PRG4: variants seen among roughly 807,000 people sequenced by gnomAD.
The protein encoded by PRG4 is articular superficial zone protein.
In PRG4, 61 loss-of-function variants were observed where a neutral mutation model predicts 91.2. The ratio of observed to expected loss-of-function variants is 0.67; its 90% confidence interval spans 0.54 to 0.83. The LOEUF is 0.83. Among genes scored for constraint, PRG4 ranks in the 40% least tolerant of loss-of-function variants. PRG4 has a pLI of 0.00. For synonymous variants in PRG4, 576 were observed against 614.2 expected (o/e 0.94, Z 0.92); for missense variants, 1,564 against 1,714.2 (o/e 0.91, Z 1.55).
chr1:186,310,135 T>TTGG (rs1553225130), intron 8 of PRG4, among the ~76,000 whole-genome samples: 18 of 86,366 alleles, frequency 2.1e-4, no homozygotes, highest in African/African-American at 5.7e-4. Context: ...TCATTTTTTT[T>TTGG]GGGGGGGGGG....
At position 186,307,640 on chromosome 1, in the gene PRG4, G is replaced by A. The variant is rs767007755; in HGVS notation, c.1921G>A (p.Ala641Thr). 104 of 1,164,748 alleles carry A rather than the reference G, an allele frequency of 8.9e-5. No homozygotes were observed. Among genetic ancestry groups the A allele is most frequent in the Middle Eastern group, 3.4e-4 (1 of 2,942 alleles). 72.2% of individuals were successfully genotyped at this position (1,164,748 alleles called of 1,614,324 possible). ...KLAPTTPEKP[A>T]PTTPEELAPT... ...CGCACCCACCACCCCTGAGAAGCCCGCACCCACCACCCCTGAGGAGCTCGC... is the reference window on the plus strand; with the variant it reads ...CGCACCCACCACCCCTGAGAAGCCCACACCCACCACCCCTGAGGAGCTCGC... The change falls in exon 7 of 13, where the codon GCA becomes ACA. Residue 641 changes from alanine (A) to threonine (T), a missense_variant. Transcript: ENST00000445192.
At position 186,307,805 on chromosome 1, in the gene PRG4, C is replaced by T; in HGVS notation, c.2086C>T (p.Pro696Ser). The T allele has an allele frequency of 1.2e-6, 2 of 1,605,878 alleles. No homozygotes were observed. The highest frequency in any genetic ancestry group is 1.7e-6 in the Non-Finnish European group (2 of 1,177,164). Residue 696 changes from proline to serine, a missense_variant, in exon 7 of 13, where the codon CCT becomes TCT. Physicochemically the swap from Pro to Ser is moderately conservative, Grantham distance 74. Transcript: ENST00000445192. ...KEPAPTTPKE[P>S]APTTPKETAP... ...GCCTGCTCCAACTACCCCTAAGGAG[C>T]CTGCTCCAACTACCCCTAAGGAGAC...
rs978422870 is a variant in PRG4, at chr1:186,308,220, C to A, written c.2501C>A (p.Pro834His). 1.9e-6 allele frequency: 3 copies of A among 1,613,400 alleles called. No individual in the cohort carries two copies. In the Admixed American group the frequency reaches 5.0e-5, roughly 27 times the overall value. ...KETAPTTPKE[P>H]APTTPKKPAP... ...ACTGCTCCAACTACCCCCAAGGAGC[C>A]TGCACCCACTACCCCCAAGAAGCCT... Residue 834 changes from proline (P) to histidine (H), a missense_variant, in exon 7 of 13, where the codon CCT (proline) becomes CAT (histidine). Transcript: ENST00000445192.
rs749394020 is a variant in PRG4, at chr1:186,311,448, G to A, written c.3645G>A (p.Gln1215=). 6.2e-7 allele frequency: 1 copy of A among 1,613,318 alleles called. No individual in the cohort carries two copies. Among genetic ancestry groups the A allele is most frequent in the East Asian group, 2.2e-5 (1 of 44,840 alleles). The change falls in exon 10 of 13, where the codon CAG becomes CAA. Residue 1215 remains glutamine, a synonymous_variant. Coordinates refer to ENST00000445192, the MANE Select transcript of PRG4 (RefSeq NM_005807.6). ...CTCTTTTAAATTATCAGGATTCTCA[G>A]TACTGGCGTTTTACCAATGATATAA... ...EGKTFFFKDS[Q]YWRFTNDIKD... is the part of the protein sequence containing the mutation.
At position 186,311,070 on chromosome 1, in the gene PRG4, C is replaced by T. The variant is rs1657181988; in HGVS notation, c.3536C>T (p.Pro1179Leu). The T allele has an allele frequency of 1.9e-6, 3 of 1,613,912 alleles. No homozygotes were observed. Among genetic ancestry groups the T allele is most frequent in the East Asian group, 4.5e-5 (2 of 44,856 alleles). ...YFWMLSPFSPPSPARRITEVW... is the reference protein window; with the variant it reads ...YFWMLSPFSPLSPARRITEVW... ...TGGATGCTAAGTCCATTCAGTCCAC[C>T]ATCTCCAGCTCGCAGAATTACTGAA... Residue 1179 changes from proline to leucine, a missense_variant, in exon 9 of 13, where the codon CCA becomes CTA. Coordinates refer to ENST00000445192, the MANE Select transcript of PRG4 (RefSeq NM_005807.6).
chr1:186,308,537 G>A lies in PRG4; in HGVS notation c.2818G>A (p.Glu940Lys), dbSNP rs1656917684. The A allele has an allele frequency of 1.2e-6, 2 of 1,613,532 alleles. No homozygotes were observed. The highest frequency in any genetic ancestry group is 1.7e-5 in the Admixed American group (1 of 59,998). Residue 940 changes from glutamate (E) to lysine (K), a missense_variant, in exon 7 of 13, where the codon GAG becomes AAG. Physicochemically the swap from Glu to Lys is moderately conservative, Grantham distance 56. Coordinates refer to ENST00000445192, the MANE Select transcript of PRG4 (RefSeq NM_005807.6). ...AACTGCTGCACCTAAGATGACAAAA[G>A]AGACAGCAACTACAACAGAAAAAAC... ...TTTAAPKMTK[E>K]TATTTEKTTE...
intron 12 of PRG4, chr1:186,313,187 A>AT (rs1390470201): frequency 2.3e-6 from 1 of 441,806 alleles, no homozygotes; most frequent in African/African-American, 2.0e-5. Flanking sequence ...CATTTAACAG[A>AT]TACCTTGTTT....
chr1:186,299,674 A>G (rs1326518765), intron 2 of PRG4, among the ~76,000 whole-genome samples: 1 of 152,152 alleles, frequency 6.6e-6, no homozygotes, highest in East Asian at 1.9e-4. Flanking sequence ...CTTAGCTCTA[A>G]AAAAGGGCTA....
At chr1:186,299,862 G>C (rs958615026) in intron 2 of PRG4, among the ~76,000 whole-genome samples, 7 of 152,048 alleles carry the variant, frequency 4.6e-5, no homozygotes, top group African/African-American at 1.7e-4. Flanking sequence ...TACTTTGCCT[G>C]GTTTTCAAAA....
In PRG4 at chr1:186,306,577, T is replaced by C. The variant is rs771656813; in HGVS notation, c.858T>C (p.Thr286=). 9 of 1,613,276 alleles carry C rather than the reference T, an allele frequency of 5.6e-6. No individual in the cohort carries two copies. The highest frequency in any genetic ancestry group is 6.8e-6 in the Non-Finnish European group (8 of 1,179,544). Residue 286 remains threonine, a synonymous_variant, in exon 7 of 13, where the codon ACT becomes ACC. Transcript: ENST00000445192. ...LTVNKETTVE[T]KETTTTNKQT... is the part of the protein sequence containing the mutation. ...TGAATAAAGAGACAACAGTTGAAAC[T>C]AAAGAAACTACTACAACAAATAAAC...
chr1:186,297,802 G>A (rs1431960445), intron 2 of PRG4, among the ~76,000 whole-genome samples: 2 of 152,044 alleles, frequency 1.3e-5, no homozygotes, highest in Non-Finnish European at 2.9e-5. Flanking sequence ...AGTAAAATAC[G>A]AGATTCTTAT....
intron 4 of PRG4, among the ~76,000 whole-genome samples, chr1:186,303,693 A>C (rs1656364872): frequency 6.6e-6 from 1 of 152,206 alleles, no homozygotes; most frequent in South Asian, 2.1e-4. Context: ...ATTTAATTTA[A>C]ATGAATATTA....
At position 186,311,298 on chromosome 1, in the gene PRG4, A is replaced by T. The variant is rs1571583566; in HGVS notation, c.3636+128A>T. 4.2e-6 allele frequency: 6 copies of T among 1,416,598 alleles called. No homozygotes were observed. The East Asian group carries it at 1.4e-4, about 32-fold the overall frequency. The allele number at this position is 1,416,598 out of a possible 1,614,324, so 87.8% of individuals were successfully genotyped here. On this transcript the variant is annotated intron_variant, in intron 9 of 12. Transcript: ENST00000445192. ...ACTCTGTCATCAAAATTTAATCATA[A>T]TTCAACAGTTTGATAACAGTAATGG...
Position 186,312,813 on chromosome 1 carries a change from C to G in PRG4, c.4036C>G (p.Leu1346Val). The change falls in exon 12 of 13, where the codon CTT (leucine) becomes GTT (valine). Residue 1346 changes from leucine to valine, a missense_variant. Coordinates refer to ENST00000445192, the MANE Select transcript of PRG4 (RefSeq NM_005807.6). ...EVKVSILWRGLPNVVTSAISL... is the reference protein window; with the variant it reads ...EVKVSILWRGVPNVVTSAISL... ...TAAAGTGAGTATACTGTGGAGAGGA[C>G]TTCCAAATGTGGTTACCTCAGCTAT... 1 of 1,612,032 alleles carries G rather than the reference C, an allele frequency of 6.2e-7. No individual in the cohort carries two copies. Among genetic ancestry groups the G allele is most frequent in the Non-Finnish European group, 8.5e-7 (1 of 1,178,118 alleles).
Position 186,311,608 on chromosome 1 carries a change from A to G in PRG4, c.3793+12A>G, listed in dbSNP as rs1465183432. 1.2e-6 allele frequency: 2 copies of G among 1,611,486 alleles called. No individual in the cohort carries two copies. The highest frequency in any genetic ancestry group is 1.7e-6 in the Non-Finnish European group (2 of 1,177,794). ...TTTTTTCAAGAGAGGTATGTGTTAC[A>G]TAATTGACAAGATTACAAAACTTTT... On this transcript the variant is annotated intron_variant, in intron 10 of 12. Transcript: ENST00000445192.
Position 186,314,383 on chromosome 1 carries a change from A to G in PRG4, c.*605A>G. The G allele has an allele frequency of 2.8e-6, 1 of 354,850 alleles. No individual in the cohort carries two copies. Among genetic ancestry groups the G allele is most frequent in the Non-Finnish European group, 5.0e-6 (1 of 198,668 alleles). 22.0% of individuals were successfully genotyped at this position (354,850 alleles called of 1,614,324 possible). A position where few individuals can be genotyped will look rare whatever the true frequency, so the allele number is the denominator to read the frequency against. On this transcript the variant is annotated 3_prime_UTR_variant, in exon 13 of 13. Transcript: ENST00000445192. Reference sequence around the variant, plus strand: ...TAACACTTCATATTTTCCAAATCTTAATTTGGATTTAAGGAAGAAATCAAT... The same window carrying G: ...TAACACTTCATATTTTCCAAATCTTGATTTGGATTTAAGGAAGAAATCAAT...
In PRG4 at chr1:186,312,777, C is replaced by G. The variant is rs750688165; in HGVS notation, c.4000C>G (p.His1334Asp). 1.2e-6 allele frequency: 2 copies of G among 1,612,822 alleles called. No individual in the cohort carries two copies. Among genetic ancestry groups the G allele is most frequent in the Non-Finnish European group, 1.7e-6 (2 of 1,179,012 alleles). Residue 1334 changes from histidine to aspartate, a missense_variant, in exon 12 of 13, where the codon CAT becomes GAT. By Grantham distance (81) the His-to-Asp change is moderately conservative. Around this residue, in one of 3 missense-constraint regions of PRG4, gnomAD observed 1,079 missense variants for 1,162.2 expected, o/e 0.93. Transcript: ENST00000445192. Reference sequence around the variant, plus strand: ...AAACATGCCACTTACAGGTGTCCTTCATAATGAAGTTAAAGTGAGTATACT... The same window carrying G: ...AAACATGCCACTTACAGGTGTCCTTGATAATGAAGTTAAAGTGAGTATACT... The part of the protein sequence containing the change: ...RLAYQDKGVL[H>D]NEVKVSILWR...
chr1:186,309,047 A>G lies in PRG4; in HGVS notation c.3328A>G (p.Arg1110Gly), dbSNP rs568493221. The change falls in exon 7 of 13, where the codon AGG (arginine) becomes GGG (glycine). Residue 1110 changes from arginine (R) to glycine (G), a missense_variant. Around this residue, in one of 3 missense-constraint regions of PRG4, gnomAD observed 1,079 missense variants for 1,162.2 expected, o/e 0.93. Coordinates refer to ENST00000445192, the MANE Select transcript of PRG4 (RefSeq NM_005807.6). ...AEGETPHMLLRPHVFMPEVTP... is the reference protein window; with the variant it reads ...AEGETPHMLLGPHVFMPEVTP... ...AGGAGAAACACCTCATATGCTTCTC[A>G]GGCCCCATGTGTTCATGCCTGAAGT... 5 of 1,613,790 alleles carry G rather than the reference A, an allele frequency of 3.1e-6. No homozygotes were observed. In the African/African-American group the frequency reaches 6.7e-5, roughly 22 times the overall value.
At chr1:186,300,263 G>A (rs1176624453) in intron 3 of PRG4, 50 bp downstream of exon 3, 7 of 1,611,764 alleles carry the variant, frequency 4.3e-6, no homozygotes, top group South Asian at 3.3e-5. Context: ...CTGCGAGTCT[G>A]TGAGTCCCCC....
Sources: gnomAD v4.1 joint callset for allele counts (sites outside exome capture counted in the v4.1 genomes callset) on GRCh38, gnomAD v4.1.1 for gene constraint, gnomAD v4.1.1 regional missense constraint, MANE v1.5 for transcripts, NCBI Gene and HGNC (gene_info 2026-07-23, HGNC 2026-07-21) for gene names.